PPP1R9A: variants seen among roughly 807,000 people sequenced by gnomAD.
PPP1R9A encodes the protein protein phosphatase 1 regulatory subunit 9A.
In PPP1R9A, 59 loss-of-function variants were observed where a neutral mutation model predicts 141.9. The ratio of observed to expected loss-of-function variants is 0.42; its 90% confidence interval spans 0.34 to 0.52. The LOEUF (loss-of-function observed/expected upper bound fraction) is 0.52. PPP1R9A is among the 20% of genes least tolerant of loss of function. The probability of loss-of-function intolerance (pLI) is 0.10; values close to 1 mark genes in which losing one functional copy is unlikely to be tolerated. For synonymous variants in PPP1R9A, 500 were observed against 569.7 expected, an observed-to-expected ratio of 0.88 and a Z score of 1.74; for missense variants, 1,444 against 1,611.9, an observed-to-expected ratio of 0.90 and a Z score of 1.78.
chr7:95,239,263 A>G (rs1157642611), intron 8 of PPP1R9A, among the ~76,000 whole-genome samples: 2 of 152,228 alleles, frequency 1.3e-5, no homozygotes, highest in East Asian at 1.9e-4. Context: ...AGTACATAAA[A>G]TATGACTTCA....
chr7:95,063,378 T>C (rs192114086), intron 2 of PPP1R9A, among the ~76,000 whole-genome samples: 1 of 151,946 alleles, frequency 6.6e-6, no homozygotes, highest in Admixed American at 6.6e-5. Flanking sequence ...AGCCTGGGCA[T>C]CATAGTTAGA....
intron 2 of PPP1R9A, among the ~76,000 whole-genome samples, chr7:95,009,482 A>C (rs1804111148): frequency 6.6e-6 from 1 of 152,104 alleles, no homozygotes; most frequent in African/African-American, 2.4e-5. Flanking sequence ...GGAAGTTTTG[A>C]GTTCCAGCTT....
At chr7:95,167,889 A>G (rs1831513225) in intron 5 of PPP1R9A, among the ~76,000 whole-genome samples, 1 of 152,178 alleles carries the variant, frequency 6.6e-6, no homozygotes, top group African/African-American at 2.4e-5. Context: ...CTGATGAAAA[A>G]AATTGAAGAG....
At chr7:95,066,349 C>T (rs1476102007) in intron 2 of PPP1R9A, among the ~76,000 whole-genome samples, 2 of 152,068 alleles carry the variant, frequency 1.3e-5, no homozygotes, top group African/African-American at 4.8e-5. Flanking sequence ...TTTAAGTCAT[C>T]CAGACTGTGG....
chr7:95,100,569 T>A (rs887858285), intron 2 of PPP1R9A, among the ~76,000 whole-genome samples: 16 of 152,172 alleles, frequency 1.1e-4, no homozygotes, highest in African/African-American at 3.9e-4. Context: ...CTGAAAACTA[T>A]CCCTCTTTGT....
intron 4 of PPP1R9A, among the ~76,000 whole-genome samples, chr7:95,134,186 G>A (rs1486710481): frequency 6.6e-6 from 1 of 152,108 alleles, no homozygotes; most frequent in Non-Finnish European, 1.5e-5. Flanking sequence ...GATGAAGCTG[G>A]AAGCCATTGT....
intron 5 of PPP1R9A, among the ~76,000 whole-genome samples, chr7:95,166,214 A>G (rs1274513940): frequency 6.6e-6 from 1 of 152,070 alleles, no homozygotes; most frequent in African/African-American, 2.4e-5. Flanking sequence ...ATAACAGAAC[A>G]TTTAACAAAA....
At chr7:94,936,483 A>G (rs964193265) in intron 2 of PPP1R9A, among the ~76,000 whole-genome samples, 1 of 152,138 alleles carries the variant, frequency 6.6e-6, no homozygotes, top group African/African-American at 2.4e-5. Flanking sequence ...ATCTTATGTC[A>G]TGTTCTGTAT....
chr7:95,014,876 G>A lies in PPP1R9A; in HGVS notation c.1396-96383G>A, dbSNP rs937164106. On this transcript the variant is annotated intron_variant, in intron 2 of 19. Transcript: ENST00000433360. ...CTCATGGATTCTTATCTTAATCTAT[G>A]AGTTAAAATCCATTACTGTGGTTTA... Among the ~76,000 whole-genome samples the A allele has an allele frequency of 3.3e-5, 5 of 152,006 alleles. No individual in the cohort carries two copies. The South Asian group carries it at 1.0e-3, about 32-fold the overall frequency.
In PPP1R9A at chr7:95,188,625, A is replaced by G. The variant is rs1585152956; in HGVS notation, c.1755-9724A>G. On this transcript the variant is annotated intron_variant, in intron 5 of 19. Transcript: ENST00000433360. Reference sequence around the variant, plus strand: ...GTTTTTTTTTTTTTTTTGAGACAGAATCTCACTCTGTTGCCTAGGCTGGAG... The same window carrying G: ...GTTTTTTTTTTTTTTTTGAGACAGAGTCTCACTCTGTTGCCTAGGCTGGAG... 2.1e-5 allele frequency among the ~76,000 whole-genome samples: 3 copies of G among 143,748 alleles called. No individual in the cohort carries two copies. The Admixed American group carries it at 2.1e-4, about 10-fold the overall frequency. 94.3% of individuals were successfully genotyped at this position (143,748 alleles called of 152,430 possible).
intron 2 of PPP1R9A, among the ~76,000 whole-genome samples, chr7:95,040,397 G>T (rs1361132773): frequency 1.3e-5 from 2 of 151,922 alleles, no homozygotes. Context: ...GCATGATGAT[G>T]TTAAGGAGTT....
intron 7 of PPP1R9A, among the ~76,000 whole-genome samples, chr7:95,217,292 C>T (rs1793610575): frequency 6.6e-6 from 1 of 152,334 alleles, no homozygotes; most frequent in South Asian, 2.1e-4. Context: ...GTGTGAGGAA[C>T]CAGCCTTGCA....
At chr7:95,228,072 A>G (rs1258588224) in intron 8 of PPP1R9A, among the ~76,000 whole-genome samples, 2 of 152,158 alleles carry the variant, frequency 1.3e-5, no homozygotes, top group Admixed American at 1.3e-4. Flanking sequence ...GATCATCCAC[A>G]AAACTTGGGG....
intron 2 of PPP1R9A, among the ~76,000 whole-genome samples, chr7:95,070,626 T>C (rs1813684721): frequency 7.0e-6 from 1 of 142,748 alleles, no homozygotes; most frequent in South Asian, 2.1e-4. Context: ...CACACACACA[T>C]ATATATAAGG....
At chr7:95,214,762 C>T (rs901006846) in intron 7 of PPP1R9A, among the ~76,000 whole-genome samples, 20 of 151,850 alleles carry the variant, frequency 1.3e-4, no homozygotes, top group African/African-American at 3.9e-4. Flanking sequence ...TTTGAGTTGT[C>T]GGAAAATATT....
chr7:95,153,367 CATT>C (rs1286668979), intron 4 of PPP1R9A, among the ~76,000 whole-genome samples: 1 of 152,090 alleles, frequency 6.6e-6, no homozygotes, highest in Non-Finnish European at 1.5e-5. Flanking sequence ...TGATATAAAA[CATT>C]GTTAGAATCA....
intron 7 of PPP1R9A, among the ~76,000 whole-genome samples, chr7:95,208,124 A>G (rs1325403951): frequency 1.3e-5 from 2 of 152,208 alleles, no homozygotes; most frequent in Non-Finnish European, 2.9e-5. Flanking sequence ...CATGCTTTAA[A>G]ATGGAAATAA....
At chr7:95,045,650 C>T (rs1809908404) in intron 2 of PPP1R9A, among the ~76,000 whole-genome samples, 1 of 152,184 alleles carries the variant, frequency 6.6e-6, no homozygotes, top group African/African-American at 2.4e-5. Context: ...CTCTTTTTGG[C>T]GCCTGTGACC....
chr7:95,244,033 T>G (rs780178536), intron 8 of PPP1R9A, among the ~76,000 whole-genome samples: 16 of 152,174 alleles, frequency 1.1e-4, no homozygotes, highest in Non-Finnish European at 2.2e-4. Flanking sequence ...GAAATTCTCT[T>G]AATGTACATA....
Sources: allele counts gnomAD v4.1 joint callset (sites outside exome capture counted in the v4.1 genomes callset), GRCh38; gene constraint gnomAD v4.1.1; transcripts MANE v1.5; gene names NCBI Gene and HGNC (gene_info 2026-07-23, HGNC 2026-07-21).